Variants in FNDC1 observed in about 807,000 individuals in gnomAD.
FNDC1 encodes fibronectin type III domain containing 1, also known as fibronectin type III domain-containing protein 1.
FNDC1 carries 96 observed loss-of-function variants against 168.0 expected under a neutral mutation model. The ratio of observed to expected loss-of-function variants is 0.57; its 90% CI spans 0.48 to 0.68. The LOEUF is 0.68. Ranked by LOEUF, FNDC1 falls within the 30% of genes least tolerant of loss-of-function variation. The probability of loss-of-function intolerance (pLI) is 0.00; values close to 1 mark genes in which losing one functional copy is unlikely to be tolerated. For synonymous variants in FNDC1, 1,099 were observed against 1,025.9 expected, an observed-to-expected ratio of 1.07 and a Z score of -1.36; for missense variants, 2,587 against 2,482.1, an observed-to-expected ratio of 1.04 and a Z score of -0.90.
intron 17 of FNDC1, among the ~76,000 whole-genome samples, chr6:159,255,322 C>T (rs958526169): frequency 6.6e-6 from 1 of 152,176 alleles, no homozygotes; most frequent in Non-Finnish European, 1.5e-5. Context: ...GAATCCATCC[C>T]ACCTCCTACC....
intron 6 of FNDC1, 85 bp downstream of exon 6, chr6:159,221,781 A>G: frequency 9.5e-7 from 1 of 1,056,478 alleles, no homozygotes; most frequent in East Asian, 2.4e-5. Context: ...TGAATGATGA[A>G]TTACATGAAT....
At chr6:159,246,248 A>T (rs1777119001) in intron 14 of FNDC1, among the ~76,000 whole-genome samples, 1 of 152,210 alleles carries the variant, frequency 6.6e-6, no homozygotes, top group Non-Finnish European at 1.5e-5. Context: ...AAATTAAGAA[A>T]TCTGATTTAT....
At chr6:159,247,428 G>T (rs930446348) in intron 15 of FNDC1, among the ~76,000 whole-genome samples, 3 of 151,970 alleles carry the variant, frequency 2.0e-5, no homozygotes, top group Admixed American at 2.0e-4. Context: ...TCTTATCATA[G>T]AATCTTTTCA....
chr6:159,188,105 G>A (rs2114933291), intron 1 of FNDC1, among the ~76,000 whole-genome samples: 1 of 152,310 alleles, frequency 6.6e-6, no homozygotes, highest in African/African-American at 2.4e-5. Flanking sequence ...TTCAAACAAA[G>A]ATGAAGTAGG....
rs577393296 is a variant in FNDC1 at position 159,238,598 on chromosome 6, G to T, written c.4113G>T (p.Arg1371Ser). The T allele has an allele frequency of 9.9e-6, 16 of 1,612,106 alleles. No individual in the cohort carries two copies. Among genetic ancestry groups the T allele is most frequent in the Non-Finnish European group, 1.4e-5 (16 of 1,179,278 alleles). The change falls in exon 13 of 23, where the codon AGG (arginine) becomes AGT (serine). Residue 1371 changes from arginine (R) to serine (S), a missense_variant. Coordinates refer to ENST00000297267, the MANE Select transcript of FNDC1 (RefSeq NM_032532.3). ...DRGLVLNAEG[R>S]YLQDSHGNPL... ...GGTTAGTATTGAATGCAGAAGGAAG[G>T]TACCTCCAAGATTCACATGGAAATC...
intron 1 of FNDC1, among the ~76,000 whole-genome samples, chr6:159,180,877 A>C (rs751097279): frequency 2.0e-5 from 3 of 152,110 alleles, no homozygotes; most frequent in African/African-American, 4.8e-5. Context: ...AATCCAGTCT[A>C]TCACTGATGT....
At chr6:159,183,053 G>A (rs1480616073) in intron 1 of FNDC1, among the ~76,000 whole-genome samples, 1 of 152,220 alleles carries the variant, frequency 6.6e-6, no homozygotes, top group Admixed American at 6.5e-5. Flanking sequence ...GGGATATCAG[G>A]TGTTCTGTGG....
intron 5 of FNDC1, among the ~76,000 whole-genome samples, chr6:159,215,942 A>G (rs1331238675): frequency 3.3e-5 from 5 of 151,500 alleles, no homozygotes; most frequent in African/African-American, 9.7e-5. Flanking sequence ...ACCCTCACAG[A>G]CATACCCAGG....
At chr6:159,251,841 A>G (rs1229063345) in intron 17 of FNDC1, among the ~76,000 whole-genome samples, 1 of 152,122 alleles carries the variant, frequency 6.6e-6, no homozygotes, top group Non-Finnish European at 1.5e-5. Context: ...CATATGCAAA[A>G]CATCACTACA....
At chr6:159,193,743 CT>C (rs1193584614) in intron 1 of FNDC1, among the ~76,000 whole-genome samples, 1 of 152,224 alleles carries the variant, frequency 6.6e-6, no homozygotes, top group East Asian at 1.9e-4. Context: ...TGGATCCATA[CT>C]TTGACCCTTG....
intron 5 of FNDC1, among the ~76,000 whole-genome samples, chr6:159,215,746 G>A (rs1270605383): frequency 6.6e-6 from 1 of 152,162 alleles, no homozygotes; most frequent in Admixed American, 6.5e-5. Flanking sequence ...CGATGTTTGA[G>A]GGCAGGAAGC....
Position 159,169,740 on chromosome 6 carries a change from G to C in FNDC1, c.109+35G>C. ...GCGCCCGGGCCCCCGGCGCTCCTCA[G>C]CTCCCCGCGCACCCTCCTGCGCTCG... On this transcript the variant is annotated intron_variant, in intron 1 of 22. Coordinates refer to ENST00000297267, the MANE Select transcript of FNDC1 (RefSeq NM_032532.3). This position sits in a 1 kb window ranked among gnomAD's most constrained non-coding sequence, Gnocchi z 6.8. The C allele has an allele frequency of 1.1e-6, 1 of 887,904 alleles. No individual in the cohort carries two copies. Among genetic ancestry groups the C allele is most frequent in the Non-Finnish European group, 1.4e-6 (1 of 697,888 alleles). 55.0% of individuals were successfully genotyped at this position (887,904 alleles called of 1,614,324 possible).
intron 21 of FNDC1, among the ~76,000 whole-genome samples, chr6:159,267,357 T>C (rs1777613081): frequency 6.6e-6 from 1 of 152,204 alleles, no homozygotes; most frequent in Non-Finnish European, 1.5e-5. Flanking sequence ...TGTGCAGCCA[T>C]GGCTCAGGAC....
chr6:159,248,274 C>T (rs1213796756), intron 15 of FNDC1, among the ~76,000 whole-genome samples: 1 of 152,052 alleles, frequency 6.6e-6, no homozygotes, highest in African/African-American at 2.4e-5. Context: ...TCCCACCCCC[C>T]ATGCCCAGAA....
intron 9 of FNDC1, among the ~76,000 whole-genome samples, chr6:159,227,431 A>G (rs1438274401): frequency 2.0e-5 from 3 of 152,344 alleles, no homozygotes; most frequent in Admixed American, 1.3e-4. Flanking sequence ...AAAGAAATCC[A>G]GAAAATTACT....
In FNDC1 at chr6:159,262,748, A is replaced by G. The variant is rs969935022; in HGVS notation, c.5254+1479A>G. ...CCTTCTCCTCCAAGAAAAACTCCTAACTCATTCTTTATGGCCTCCAAGGGA... is the reference window on the plus strand; with the variant it reads ...CCTTCTCCTCCAAGAAAAACTCCTAGCTCATTCTTTATGGCCTCCAAGGGA... On this transcript the variant is annotated intron_variant, in intron 19 of 22. Coordinates refer to ENST00000297267, the MANE Select transcript of FNDC1 (RefSeq NM_032532.3). 2.6e-5 allele frequency among the ~76,000 whole-genome samples: 4 copies of G among 152,116 alleles called. No homozygotes were observed. The South Asian group carries it at 6.2e-4, about 24-fold the overall frequency.
At chr6:159,271,267 A>T (rs987864141) in intron 22 of FNDC1, 60 bp from the exon 23 acceptor site, 3 of 1,131,776 alleles carry the variant, frequency 2.7e-6, no homozygotes, top group Non-Finnish European at 3.9e-6. Flanking sequence ...TGTAAGGATG[A>T]GTTCTACCTG....
chr6:159,236,343 G>T (rs372818994), intron 12 of FNDC1, 28 bp downstream of exon 12: 6 of 1,486,874 alleles, frequency 4.0e-6, no homozygotes, highest in African/African-American at 1.4e-5. Context: ...ACACATCCCC[G>T]TTGTTTTCAT....
rs767898943 is a variant in FNDC1, at chr6:159,233,916, C to G, written c.3404C>G (p.Pro1135Arg). ...HRSQRGHAASPARPSRPGGPQ... is the reference protein window; with the variant it reads ...HRSQRGHAASRARPSRPGGPQ... ...TCCCAGCGCGGACATGCGGCCTCCC[C>G]CGCCAGGCCCAGCCGACCCGGCGGC... Residue 1135 changes from proline to arginine, a missense_variant, in exon 11 of 23, where the codon CCC becomes CGC. Transcript: ENST00000297267. The surrounding 1 kb of genome is among the most constrained non-coding windows in gnomAD (Gnocchi z 4.6). 30 of 1,548,760 alleles carry G rather than the reference C, an allele frequency of 1.9e-5. No individual in the cohort carries two copies. The highest frequency in any genetic ancestry group is 2.4e-5 in the Non-Finnish European group (28 of 1,145,970).
Sources: allele counts gnomAD v4.1 joint callset (sites outside exome capture counted in the v4.1 genomes callset), GRCh38; gene constraint gnomAD v4.1.1; non-coding constraint Gnocchi (gnomAD v3.1); transcripts MANE v1.5; gene names NCBI Gene and HGNC (gene_info 2026-07-23, HGNC 2026-07-21).